Variants in TSHZ2 observed in about 807,000 individuals in gnomAD.
TSHZ2 encodes the protein teashirt homolog 2.
A neutral mutation model predicts 74.4 loss-of-function variants in TSHZ2; 21 were observed. The observed-to-expected ratio is 0.28, with a 90% CI of 0.20 to 0.41. The LOEUF (loss-of-function observed/expected upper bound fraction) is 0.41, where lower values mean the gene tolerates loss of function less well. TSHZ2 is among the 10% of genes least tolerant of loss of function. TSHZ2 has a pLI of 1.00. For synonymous variants in TSHZ2, 540 were observed against 515.3 expected, an observed-to-expected ratio of 1.05 and a Z score of -0.65; for missense variants, 1,244 against 1,293.5, an observed-to-expected ratio of 0.96 and a Z score of 0.59.
chr20:53,224,317 T>TA (rs960121223), intron 1 of TSHZ2, among the ~76,000 whole-genome samples: 1 of 152,136 alleles, frequency 6.6e-6, no homozygotes, highest in Non-Finnish European at 1.5e-5. Flanking sequence ...GTTTGAGCAA[T>TA]AAAGTGTGAA....
chr20:53,216,748 A>G (rs1333207935), intron 1 of TSHZ2, among the ~76,000 whole-genome samples: 1 of 152,232 alleles, frequency 6.6e-6, no homozygotes, highest in Non-Finnish European at 1.5e-5. Flanking sequence ...ATATTTCTCT[A>G]TAAATCAATC....
At chr20:53,077,975 T>C (rs1985418172) in intron 1 of TSHZ2, among the ~76,000 whole-genome samples, 1 of 152,264 alleles carries the variant, frequency 6.6e-6, no homozygotes, top group South Asian at 2.1e-4. Flanking sequence ...GGTGAGTTTC[T>C]GTTACCCAAA....
Position 53,371,398 on chromosome 20 carries a change from CCAAA to C in TSHZ2, c.*8+114830_*8+114833del, listed in dbSNP as rs746345200. Among the ~76,000 whole-genome samples, 16 of 152,344 alleles carry C rather than the reference CCAAA, an allele frequency of 1.1e-4. No homozygotes were observed. The East Asian group carries it at 2.1e-3, about 20-fold the overall frequency. On this transcript the variant is annotated intron_variant, in intron 2 of 2. Transcript: ENST00000371497. ...AATGTGAGAGAGTTCATACGGGTTTCCAAACAGGATTGTCCTGGCTGCAAGACCC... is the reference window on the plus strand; with the variant it reads ...AATGTGAGAGAGTTCATACGGGTTTCCAGGATTGTCCTGGCTGCAAGACCC...
Position 53,331,281 on chromosome 20 carries a change from G to T in TSHZ2, c.*8+74710G>T, listed in dbSNP as rs536342658. ...GTCTGAGAAATTTATAGGGCAGCTTGAACGGAAGGTAGTAACTAACCAGGG... is the reference window on the plus strand; with the variant it reads ...GTCTGAGAAATTTATAGGGCAGCTTTAACGGAAGGTAGTAACTAACCAGGG... On this transcript the variant is annotated intron_variant, in intron 2 of 2. Coordinates refer to ENST00000371497, the MANE Select transcript of TSHZ2 (RefSeq NM_173485.6). 2.0e-5 allele frequency among the ~76,000 whole-genome samples: 3 copies of T among 152,322 alleles called. No homozygotes were observed. The East Asian group carries it at 5.8e-4, about 29-fold the overall frequency.
rs535602455 is a variant in TSHZ2 at position 52,997,355 on chromosome 20, G to A, written c.40+24022G>A. ...CACCAATAGTGATCAGTCTTGCCAC[G>A]TGGACTGGCAGTCCTGAGATTTCTA... On this transcript the variant is annotated intron_variant, in intron 1 of 2. Transcript: ENST00000371497. Among the ~76,000 whole-genome samples the A allele has an allele frequency of 6.6e-5, 10 of 152,040 alleles. No individual in the cohort carries two copies. In the East Asian group the frequency reaches 7.7e-4, roughly 12 times the overall value.
intron 1 of TSHZ2, chr20:53,179,536 G>C (rs761970850): frequency 6.6e-6 from 1 of 152,134 alleles, no homozygotes; most frequent in African/African-American, 2.4e-5. Flanking sequence ...CAAGGTTTCC[G>C]GCTGTTCCAG....
At position 53,492,197 on chromosome 20, in the gene TSHZ2, C is replaced by G. The variant is rs1196633650; in HGVS notation, c.*5062C>G. The stretch of plus-strand genomic sequence containing the variant: ...GTCCCCTGCCAATAGCTAATATTAA[C>G]AGAATTTGAACAATCATACAATTAT... On this transcript the variant is annotated 3_prime_UTR_variant, in exon 3 of 3. Coordinates refer to ENST00000371497, the MANE Select transcript of TSHZ2 (RefSeq NM_173485.6). 1 of 152,142 alleles carries G rather than the reference C, an allele frequency of 6.6e-6. No individual in the cohort carries two copies. The highest frequency in any genetic ancestry group is 6.5e-5 in the Admixed American group (1 of 15,292). 9.4% of individuals were successfully genotyped at this position (152,142 alleles called of 1,614,324 possible).
intron 2 of TSHZ2, among the ~76,000 whole-genome samples, chr20:53,268,733 CCTT>C (rs1301401242): frequency 5.3e-5 from 8 of 152,142 alleles, no homozygotes; most frequent in Admixed American, 5.2e-4. Context: ...AACAATAGTC[CCTT>C]CTTCATGCGG....
chr20:53,242,887 T>C (rs1298073642), intron 1 of TSHZ2, among the ~76,000 whole-genome samples: 1 of 152,210 alleles, frequency 6.6e-6, no homozygotes, highest in Non-Finnish European at 1.5e-5. Context: ...GGGCTGGGTA[T>C]AGCAATGGGA....
In TSHZ2 at chr20:53,493,330, C is replaced by T. The variant is rs993935112; in HGVS notation, c.*6195C>T. ...CAAGTTTGTCTGTCTGCATGAGTCC[C>T]GTCCAATTGCTGGATCTAGGGAGGA... On this transcript the variant is annotated 3_prime_UTR_variant, in exon 3 of 3. Transcript: ENST00000371497. The T allele has an allele frequency of 6.6e-6, 1 of 152,160 alleles. No individual in the cohort carries two copies. The highest frequency in any genetic ancestry group is 2.4e-5 in the African/African-American group (1 of 41,426). The allele number at this position is 152,160 out of a possible 1,614,324, so 9.4% of individuals were successfully genotyped here.
chr20:53,335,018 A>G (rs1316771597), intron 2 of TSHZ2, among the ~76,000 whole-genome samples: 1 of 152,226 alleles, frequency 6.6e-6, no homozygotes, highest in Non-Finnish European at 1.5e-5. Context: ...TGTTGAGAAT[A>G]AACTATGAGT....
chr20:53,096,355 C>G (rs1462617673), intron 1 of TSHZ2, among the ~76,000 whole-genome samples: 1 of 152,094 alleles, frequency 6.6e-6, no homozygotes, highest in Non-Finnish European at 1.5e-5. Context: ...GTCGGCCAAG[C>G]TGGTCTCGAA....
At chr20:53,323,563 CTTTTTTTTTTTTT>C (rs34687825) in intron 2 of TSHZ2, among the ~76,000 whole-genome samples, 25 of 36,660 alleles carry the variant, frequency 6.8e-4, no homozygotes, top group African/African-American at 2.2e-3. Flanking sequence ...CCTTGGAGGG[CTTTTTTTTTTTTT>C]TTTTTTTTTT....
intron 1 of TSHZ2, chr20:53,185,279 G>A (rs1988573239): frequency 9.8e-7 from 1 of 1,022,548 alleles, no homozygotes; most frequent in Non-Finnish European, 1.2e-6. Flanking sequence ...GGTTCAAATT[G>A]GACATTTATT....
chr20:53,385,786 C>T (rs1045769205), intron 2 of TSHZ2, among the ~76,000 whole-genome samples: 1 of 152,118 alleles, frequency 6.6e-6, no homozygotes, highest in Non-Finnish European at 1.5e-5. Context: ...AGGAACAAAG[C>T]CCAGGCCCTG....
At chr20:53,208,161 ATTTC>A (rs1989218488) in intron 1 of TSHZ2, among the ~76,000 whole-genome samples, 1 of 152,136 alleles carries the variant, frequency 6.6e-6, no homozygotes, top group African/African-American at 2.4e-5. Flanking sequence ...CCTAAGACCA[ATTTC>A]TTTGGAGAAT....
chr20:53,090,909 G>A (rs763355774), intron 1 of TSHZ2, among the ~76,000 whole-genome samples: 10 of 152,008 alleles, frequency 6.6e-5, no homozygotes, highest in Admixed American at 2.0e-4. Context: ...AACAAAACAC[G>A]CATACAGACT....
chr20:53,445,619 A>T (rs928386964), intron 2 of TSHZ2, among the ~76,000 whole-genome samples: 8 of 152,216 alleles, frequency 5.3e-5, no homozygotes, highest in African/African-American at 1.9e-4. Context: ...CAATTCGAAG[A>T]TGTCCAGGAA....
intron 1 of TSHZ2, among the ~76,000 whole-genome samples, chr20:53,236,146 AT>A (rs1217201444): frequency 1.3e-5 from 2 of 152,186 alleles, no homozygotes; most frequent in Non-Finnish European, 2.9e-5. Context: ...CCTCTCCCTG[AT>A]TTTTAAAAAT....
Sources: gnomAD v4.1 joint callset for allele counts (sites outside exome capture counted in the v4.1 genomes callset) on GRCh38, gnomAD v4.1.1 for gene constraint, MANE v1.5 for transcripts, NCBI Gene and HGNC (gene_info 2026-07-23, HGNC 2026-07-21) for gene names.